Variants in MYO18B observed in about 807,000 individuals in gnomAD.
MYO18B encodes the protein unconventional myosin-XVIIIb.
A neutral mutation model predicts 273.0 loss-of-function variants in MYO18B; 204 were observed. That is an observed-to-expected ratio of 0.75 (90% confidence interval 0.67 to 0.84). The LOEUF is 0.84. Ranked by LOEUF, MYO18B falls within the 40% of genes least tolerant of loss-of-function variation. The pLI is 0.00. For synonymous variants in MYO18B, 1,330 were observed against 1,305.7 expected, an observed-to-expected ratio of 1.02 and a Z score of -0.40; for missense variants, 3,212 against 3,287.6, an observed-to-expected ratio of 0.98 and a Z score of 0.56.
At chr22:25,770,208 C>T (rs533320877) in intron 5 of MYO18B, 32 bp downstream of exon 5, 2 of 1,606,424 alleles carry the variant, frequency 1.2e-6, no homozygotes, top group Non-Finnish European at 1.7e-6. Flanking sequence ...TTTGGAGGGT[C>T]TGAGTCTTCT....
chr22:25,893,295 T>C (rs986079480), intron 27 of MYO18B, among the ~76,000 whole-genome samples: 1 of 152,216 alleles, frequency 6.6e-6, no homozygotes, highest in Admixed American at 6.5e-5. Context: ...AGCTGGACAC[T>C]GTGGGGGTTA....
At chr22:25,948,500 CCTCTCT>C (rs1569225547) in intron 36 of MYO18B, among the ~76,000 whole-genome samples, 5 of 131,080 alleles carry the variant, frequency 3.8e-5, no homozygotes, top group African/African-American at 1.2e-4. Flanking sequence ...TTCTTTCTTT[CCTCTCT>C]TTTCTCTTTC....
intron 35 of MYO18B, among the ~76,000 whole-genome samples, 170 bp from the exon 36 acceptor site, chr22:25,947,542 A>ACACACACACACC (rs1228713825): frequency 7.1e-6 from 1 of 140,120 alleles, no homozygotes; most frequent in Non-Finnish European, 1.5e-5. Context: ...ACACACACAC[A>ACACACACACACC]CCAAGCTGTT....
At chr22:25,960,244 AGTCCCTTT>A (rs1168609452) in intron 39 of MYO18B, among the ~76,000 whole-genome samples, 2 of 152,138 alleles carry the variant, frequency 1.3e-5, no homozygotes, top group Non-Finnish European at 2.9e-5. Context: ...AAATCATTCC[AGTCCCTTT>A]GTCATTAGAG....
At chr22:25,859,587 C>T (rs956497898) in intron 21 of MYO18B, among the ~76,000 whole-genome samples, 1 of 151,988 alleles carries the variant, frequency 6.6e-6, no homozygotes, top group African/African-American at 2.4e-5. Context: ...TGCAAAGCGG[C>T]ATCTCATTGT....
chr22:25,947,408 T>A (rs2092724547), intron 35 of MYO18B, among the ~76,000 whole-genome samples: 1 of 146,816 alleles, frequency 6.8e-6, no homozygotes, highest in South Asian at 2.1e-4. Flanking sequence ...TGTGCACACA[T>A]AGATTCCCAA....
At chr22:25,812,192 C>T (rs1457166898) in intron 12 of MYO18B, among the ~76,000 whole-genome samples, 1 of 152,174 alleles carries the variant, frequency 6.6e-6, no homozygotes, top group African/African-American at 2.4e-5. Flanking sequence ...TCTGTCCTCT[C>T]CTCCAAGACA....
intron 22 of MYO18B, among the ~76,000 whole-genome samples, chr22:25,870,183 A>G (rs1389033356): frequency 2.0e-5 from 3 of 152,188 alleles, no homozygotes; most frequent in South Asian, 2.1e-4. Context: ...TCTGGGTCCT[A>G]TTGTTTATGA....
intron 34 of MYO18B, among the ~76,000 whole-genome samples, chr22:25,926,292 G>GTT (rs956485883): frequency 1.4e-5 from 2 of 146,028 alleles, no homozygotes; most frequent in African/African-American, 5.0e-5. Context: ...AGAGAAAGGT[G>GTT]TTTTTTTTTT....
Position 25,770,170 on chromosome 22 carries a change from A to C in MYO18B, c.1573A>C (p.Thr525Pro). 1 of 1,613,684 alleles carries C rather than the reference A, an allele frequency of 6.2e-7. No individual in the cohort carries two copies. Among genetic ancestry groups the C allele is most frequent in the South Asian group, 1.1e-5 (1 of 91,054 alleles). Residue 525 changes from threonine to proline, a missense_variant, in exon 5 of 44, where the codon ACT becomes CCT. Thr to Pro is a conservative substitution (Grantham distance 38, BLOSUM62 -1). Coordinates refer to ENST00000335473, the MANE Select transcript of MYO18B (RefSeq NM_032608.7). Reference protein sequence around the residue: ...KVWLAQKDGFTLATVLKPDEG... With the variant: ...KVWLAQKDGFPLATVLKPDEG... The stretch of plus-strand genomic sequence containing the variant: ...CTGGCTGGCTCAGAAGGATGGATTT[A>C]CTCTTGGTAAGTAGGGGTGTTAGCA...
intron 43 of MYO18B, among the ~76,000 whole-genome samples, chr22:26,030,232 CTGG>C (rs1208640712): frequency 6.6e-6 from 1 of 152,172 alleles, no homozygotes; most frequent in East Asian, 1.9e-4. Context: ...AAAAAATTAG[CTGG>C]GTGTAGTGAC....
intron 34 of MYO18B, among the ~76,000 whole-genome samples, chr22:25,938,935 A>C (rs2092612368): frequency 6.6e-6 from 1 of 152,040 alleles, no homozygotes; most frequent in African/African-American, 2.4e-5. Flanking sequence ...TTCCTGTCTC[A>C]CCCTCCTGGG....
rs371367584 is a variant in MYO18B, at chr22:26,027,582, C to T, written c.7608C>T (p.Asp2536=). 32 of 1,613,892 alleles carry T rather than the reference C, an allele frequency of 2.0e-5. No individual in the cohort carries two copies. The African/African-American group carries it at 2.3e-4, about 11-fold the overall frequency. ...CAGGAATCCCACGACTTGCGGGTGA[C>T]GGTGGCGAGCGAACGTCCCCCGAGC... ...SRPGIPRLAG[D]GGERTSPERR... The change falls in exon 43 of 44, where the codon GAC becomes GAT. Residue 2536 remains aspartate (D), a synonymous_variant. Transcript: ENST00000335473. This position sits in a 1 kb window ranked among gnomAD's most constrained non-coding sequence, Gnocchi z 4.1.
intron 40 of MYO18B, among the ~76,000 whole-genome samples, chr22:25,996,097 A>G (rs1933201093): frequency 6.6e-6 from 1 of 152,222 alleles, no homozygotes. Flanking sequence ...TTGCACATCA[A>G]CAAGTCTGAT....
intron 34 of MYO18B, among the ~76,000 whole-genome samples, chr22:25,934,520 G>C (rs907623639): frequency 6.6e-6 from 1 of 152,112 alleles, no homozygotes; most frequent in Admixed American, 6.5e-5. Flanking sequence ...GGTTGAGGAC[G>C]TGCGCCTGTG....
intron 16 of MYO18B, among the ~76,000 whole-genome samples, chr22:25,834,249 C>T (rs1313469251): frequency 5.9e-5 from 9 of 151,882 alleles, no homozygotes; most frequent in South Asian, 2.1e-4. Flanking sequence ...CGGATTCAAG[C>T]GATTCTCGTG....
At chr22:25,743,750 T>C (rs2085695806) in intron 1 of MYO18B, among the ~76,000 whole-genome samples, 1 of 152,138 alleles carries the variant, frequency 6.6e-6, no homozygotes, top group Non-Finnish European at 1.5e-5. Context: ...CTCTGTAACC[T>C]TGGATGAGTA....
intron 42 of MYO18B, among the ~76,000 whole-genome samples, chr22:26,023,733 A>G (rs958625240): frequency 1.3e-5 from 2 of 152,188 alleles, no homozygotes; most frequent in Non-Finnish European, 2.9e-5. Flanking sequence ...GCCTCCTTTC[A>G]GGGCCAGGAC....
intron 21 of MYO18B, among the ~76,000 whole-genome samples, chr22:25,863,998 C>G (rs1228063099): frequency 6.6e-6 from 1 of 152,192 alleles, no homozygotes; most frequent in Non-Finnish European, 1.5e-5. Flanking sequence ...TTAGCTGTGC[C>G]ATTGGCCTTC....
Sources: gnomAD v4.1 joint callset for allele counts (sites outside exome capture counted in the v4.1 genomes callset) on GRCh38, gnomAD v4.1.1 for gene constraint, Gnocchi (gnomAD v3.1) non-coding constraint, MANE v1.5 for transcripts, NCBI Gene and HGNC (gene_info 2026-07-23, HGNC 2026-07-21) for gene names.